TMEM131: variants seen among roughly 807,000 people sequenced by gnomAD.
TMEM131 encodes 2610524E03Rik.
TMEM131 carries 66 observed loss-of-function variants against 211.6 expected under a neutral mutation model. That is an observed-to-expected ratio of 0.31 (90% CI 0.26 to 0.38). The LOEUF is 0.38. Among genes scored for constraint, TMEM131 ranks in the 10% least tolerant of loss-of-function variants. The pLI is 1.00. For synonymous variants in TMEM131, 844 were observed against 841.3 expected, an observed-to-expected ratio of 1.00 and a Z score of -0.06; for missense variants, 2,036 against 2,299.3, an observed-to-expected ratio of 0.89 and a Z score of 2.34.
intron 1 of TMEM131, among the ~76,000 whole-genome samples, chr2:97,987,723 A>G (rs1290952786): frequency 6.6e-6 from 1 of 152,196 alleles, no homozygotes; most frequent in African/African-American, 2.4e-5. Context: ...TTTTATTTAC[A>G]ATGACATCAA....
chr2:97,858,017 T>G (rs1446220804), intron 5 of TMEM131, among the ~76,000 whole-genome samples: 1 of 152,258 alleles, frequency 6.6e-6, no homozygotes, highest in Non-Finnish European at 1.5e-5. Flanking sequence ...AGTAATATGC[T>G]GATTTATCAG....
chr2:97,836,187 AACC>A (rs1682933367), intron 8 of TMEM131, among the ~76,000 whole-genome samples: 1 of 152,242 alleles, frequency 6.6e-6, no homozygotes, highest in Non-Finnish European at 1.5e-5. Flanking sequence ...TCTGGGAATT[AACC>A]AAATAACTGG....
At chr2:97,850,142 T>A (rs1049189651) in intron 5 of TMEM131, among the ~76,000 whole-genome samples, 1 of 151,752 alleles carries the variant, frequency 6.6e-6, no homozygotes, top group African/African-American at 2.4e-5. Flanking sequence ...AATATCATTT[T>A]CCCATCTAAG....
At position 97,792,529 on chromosome 2, in the gene TMEM131, C is replaced by A; in HGVS notation, c.4001G>T (p.Arg1334Leu). The A allele has an allele frequency of 1.9e-6, 3 of 1,613,490 alleles. No homozygotes were observed. Among genetic ancestry groups the A allele is most frequent in the Non-Finnish European group, 2.5e-6 (3 of 1,179,688 alleles). Residue 1334 changes from arginine (R) to leucine (L), a missense_variant, in exon 31 of 41, where the codon CGT (arginine) becomes CTT (leucine). Arg to Leu is a moderately radical substitution (Grantham distance 102). This residue lies in a region of TMEM131 where 1,623 missense variants were observed against 1,805.9 expected (regional missense o/e 0.90). Transcript: ENST00000186436. ...APLAHPSHPE[R>L]ASSARHSSED... ...GGAACTGTGCCTCGCGCTGCTGGCA[C>A]GTTCTGGGTGGGAAGGGTGTGCGAG...
chr2:97,947,052 A>T (rs1397811177), intron 1 of TMEM131, among the ~76,000 whole-genome samples: 1 of 152,086 alleles, frequency 6.6e-6, no homozygotes, highest in Admixed American at 6.5e-5. Flanking sequence ...GGGCACAAAA[A>T]GAACTTCCTT....
intron 3 of TMEM131, among the ~76,000 whole-genome samples, chr2:97,889,861 C>T (rs900009025): frequency 6.6e-6 from 1 of 152,112 alleles, no homozygotes; most frequent in African/African-American, 2.4e-5. Context: ...AAAGCACCTG[C>T]TCTCATGGCA....
rs753151846 is a variant in TMEM131, at chr2:97,760,928, CAA to C, written c.4890-16_4890-15del. On this transcript the variant is annotated splice_polypyrimidine_tract_variant and intron_variant, in intron 36 of 40. Coordinates refer to ENST00000186436, the MANE Select transcript of TMEM131 (RefSeq NM_015348.2). The stretch of plus-strand genomic sequence containing the variant: ...ATTTTAGGGTCACTTGAAAAAGAAG[CAA>C]AGAGAGAACTCATTCCTCATCAGCA... 3 of 1,613,770 alleles carry C rather than the reference CAA, an allele frequency of 1.9e-6. No individual in the cohort carries two copies. The highest frequency in any genetic ancestry group is 1.7e-6 in the Non-Finnish European group (2 of 1,179,796).
intron 40 of TMEM131, among the ~76,000 whole-genome samples, chr2:97,758,061 G>C (rs1162635628): frequency 1.3e-5 from 2 of 151,980 alleles, no homozygotes; most frequent in African/African-American, 2.4e-5. Flanking sequence ...GAACCCAGGA[G>C]GCGGAGCTTG....
intron 11 of TMEM131, among the ~76,000 whole-genome samples, chr2:97,821,664 G>A (rs1682127154): frequency 1.3e-5 from 2 of 152,144 alleles, no homozygotes; most frequent in Admixed American, 6.5e-5. Context: ...GACCAGGAAG[G>A]GACTATCGCC....
intron 1 of TMEM131, among the ~76,000 whole-genome samples, chr2:97,973,287 G>A (rs1332845166): frequency 6.6e-6 from 1 of 152,132 alleles, no homozygotes. Context: ...CTCCCATCCT[G>A]AAGCAACCAG....
chr2:97,972,942 C>T (rs1401656410), intron 1 of TMEM131, among the ~76,000 whole-genome samples: 2 of 152,130 alleles, frequency 1.3e-5, no homozygotes, highest in African/African-American at 4.8e-5. Flanking sequence ...GTCCTACAAA[C>T]ACATATTAAA....
intron 4 of TMEM131, among the ~76,000 whole-genome samples, chr2:97,860,225 T>A (rs1297562859): frequency 6.6e-6 from 1 of 152,138 alleles, no homozygotes; most frequent in African/African-American, 2.4e-5. Context: ...CTTCCTAATC[T>A]CACATGACCC....
intron 5 of TMEM131, among the ~76,000 whole-genome samples, chr2:97,851,096 C>G (rs1280285934): frequency 6.6e-6 from 1 of 151,800 alleles, no homozygotes; most frequent in East Asian, 1.9e-4. Context: ...TGTACCATAG[C>G]TCAGTCCCTG....
intron 31 of TMEM131, among the ~76,000 whole-genome samples, chr2:97,781,765 A>AG (rs2104842079): frequency 6.6e-6 from 1 of 152,348 alleles, no homozygotes; most frequent in South Asian, 2.1e-4. Context: ...GAGGAAAGGC[A>AG]TGATAGTAAG....
intron 1 of TMEM131, among the ~76,000 whole-genome samples, chr2:97,929,667 C>G (rs563770760): frequency 1.3e-5 from 2 of 151,972 alleles, no homozygotes; most frequent in East Asian, 3.9e-4. Flanking sequence ...TCCTCCATTT[C>G]CTGTGTTTCT....
chr2:97,858,393 T>G (rs556623736), intron 5 of TMEM131, among the ~76,000 whole-genome samples: 13 of 152,320 alleles, frequency 8.5e-5, no homozygotes, highest in African/African-American at 2.9e-4. Context: ...TCAGAGAAAG[T>G]TTTTAATAAT....
chr2:97,897,464 C>T (rs1395758466), intron 3 of TMEM131, among the ~76,000 whole-genome samples: 2 of 152,086 alleles, frequency 1.3e-5, no homozygotes, highest in Non-Finnish European at 2.9e-5. Flanking sequence ...TCTTAATGTG[C>T]TGAACAGATG....
chr2:97,885,343 C>T (rs1054409455), intron 4 of TMEM131, among the ~76,000 whole-genome samples: 1 of 150,718 alleles, frequency 6.6e-6, no homozygotes. Context: ...AGGCGCCCGC[C>T]ACCACGCCCA....
chr2:97,911,809 G>A (rs1285685779), intron 2 of TMEM131: 1 of 244,778 alleles, frequency 4.1e-6, no homozygotes, highest in Non-Finnish European at 6.5e-6. Flanking sequence ...TAAGTGTTAT[G>A]AGAATAAGGA....
Sources: gnomAD v4.1 joint callset for allele counts (sites outside exome capture counted in the v4.1 genomes callset) on GRCh38, gnomAD v4.1.1 for gene constraint, gnomAD v4.1.1 regional missense constraint, MANE v1.5 for transcripts, NCBI Gene and HGNC (gene_info 2026-07-23, HGNC 2026-07-21) for gene names.